BIK: variants seen among roughly 807,000 people sequenced by gnomAD.
The protein encoded by BIK is bcl-2-interacting killer.
Under a neutral mutation model 12.1 loss-of-function variants are expected in BIK, and 14 were observed. The ratio of observed to expected loss-of-function variants is 1.16; its 90% CI spans 0.77 to 1.81. The LOEUF is 1.81. BIK is among the 40% of genes most tolerant of loss of function. BIK has a pLI of 0.00. For missense variants in BIK, 215 were observed against 207.9 expected (o/e 1.03, Z -0.21); for synonymous variants, 86 against 92.3 (o/e 0.93, Z 0.39).
intron 1 of BIK, among the ~76,000 whole-genome samples, chr22:43,115,208 CTGGGGAGGG>C (rs1228534722): frequency 1.3e-5 from 2 of 152,100 alleles, no homozygotes; most frequent in African/African-American, 4.8e-5. Context: ...TAATTCTGTC[CTGGGGAGGG>C]TGGGGAGGAA....
chr22:43,119,449 G>GAT (rs1371544198), intron 1 of BIK, among the ~76,000 whole-genome samples: 11 of 152,274 alleles, frequency 7.2e-5, no homozygotes, highest in African/African-American at 2.2e-4. Flanking sequence ...ACCAGAAACT[G>GAT]ATAAGAGCAG....
intron 2 of BIK, among the ~76,000 whole-genome samples, chr22:43,126,174 A>G (rs1053580871): frequency 1.4e-5 from 2 of 143,884 alleles, no homozygotes; most frequent in Admixed American, 1.4e-4. Context: ...GCAGGCGTGC[A>G]CCAGCATGCC....
intron 3 of BIK, among the ~76,000 whole-genome samples, 153 bp from the exon 4 acceptor site, chr22:43,128,343 G>GT (rs1930362790): frequency 6.6e-6 from 1 of 152,212 alleles, no homozygotes; most frequent in African/African-American, 2.4e-5. Flanking sequence ...GCCCCTGCAG[G>GT]TGGAGGCGCC....
intron 2 of BIK, among the ~76,000 whole-genome samples, chr22:43,125,637 T>C (rs1028543814): frequency 1.3e-5 from 2 of 151,978 alleles, no homozygotes; most frequent in African/African-American, 4.8e-5. Context: ...GGAAAATCAC[T>C]TGAACCCGGG....
rs4988423 is a variant in BIK, at chr22:43,125,079, C to T, written c.161+896C>T. 3.3e-4 allele frequency among the ~76,000 whole-genome samples: 51 copies of T among 152,270 alleles called. No homozygotes were observed. The South Asian group carries it at 9.5e-3, about 29-fold the overall frequency. ...TAGACAATATAGGGCAACTTCCTGA[C>T]GTTGCCGTGGCATTTGTAAACTGTC... On this transcript the variant is annotated intron_variant, in intron 2 of 4. Transcript: ENST00000216115.
At chr22:43,114,901 T>TG (rs1930082020) in intron 1 of BIK, among the ~76,000 whole-genome samples, 1 of 152,196 alleles carries the variant, frequency 6.6e-6, no homozygotes, top group African/African-American at 2.4e-5. Context: ...CCTCCTGCCC[T>TG]TTAACAGAAG....
intron 4 of BIK, 132 bp downstream of exon 4, chr22:43,128,757 A>G: frequency 3.8e-6 from 5 of 1,323,852 alleles, no homozygotes; most frequent in Non-Finnish European, 5.1e-6. Flanking sequence ...CATCTGCCTG[A>G]TCCCATGGGC....
chr22:43,111,550 C>T (rs1327678443), intron 1 of BIK, among the ~76,000 whole-genome samples: 2 of 152,130 alleles, frequency 1.3e-5, no homozygotes, highest in Non-Finnish European at 2.9e-5. Context: ...CACGACAAGG[C>T]TTGTGGGGTT....
chr22:43,127,950 C>T (rs1347990257), intron 3 of BIK, among the ~76,000 whole-genome samples, 155 bp downstream of exon 3: 1 of 152,140 alleles, frequency 6.6e-6, no homozygotes, highest in Non-Finnish European at 1.5e-5. Flanking sequence ...CTGCTTCCCG[C>T]ACCTCTCCTG....
intron 1 of BIK, among the ~76,000 whole-genome samples, chr22:43,118,070 C>T (rs763067496): frequency 2.6e-5 from 4 of 152,128 alleles, no homozygotes; most frequent in South Asian, 2.1e-4. Context: ...GCTCGTGCGA[C>T]GTGCCCGCCT....
In BIK at chr22:43,129,193, C is replaced by G. The variant is rs1417928740; in HGVS notation, c.391-20C>G. On this transcript the variant is annotated intron_variant, in intron 4 of 4. Transcript: ENST00000216115. Reference sequence around the variant, plus strand: ...GCCGGGGCCTGCCCCGAGCCTGACTCCTCTGCTTTGCTCCCACAGGTGTCC... The same window carrying G: ...GCCGGGGCCTGCCCCGAGCCTGACTGCTCTGCTTTGCTCCCACAGGTGTCC... 4 of 1,603,216 alleles carry G rather than the reference C, an allele frequency of 2.5e-6. No homozygotes were observed. The African/African-American group carries it at 4.0e-5, about 16-fold the overall frequency.
intron 1 of BIK, among the ~76,000 whole-genome samples, chr22:43,112,600 G>A (rs1245910400): frequency 2.0e-5 from 3 of 149,052 alleles, no homozygotes; most frequent in African/African-American, 7.4e-5. Flanking sequence ...TCTTAAGGAT[G>A]TTAAGACTAA....
chr22:43,112,127 C>T (rs1033227283), intron 1 of BIK, among the ~76,000 whole-genome samples: 1 of 152,176 alleles, frequency 6.6e-6, no homozygotes, highest in Non-Finnish European at 1.5e-5. Context: ...AGACTCACCC[C>T]GATTTCTACT....
At chr22:43,122,158 A>C (rs571787297) in intron 1 of BIK, among the ~76,000 whole-genome samples, 7 of 152,200 alleles carry the variant, frequency 4.6e-5, no homozygotes, top group African/African-American at 1.7e-4. Flanking sequence ...GGAGACTTGG[A>C]GCTCTGTCCC....
chr22:43,127,302 G>A (rs1392347818), intron 2 of BIK, among the ~76,000 whole-genome samples: 1 of 152,064 alleles, frequency 6.6e-6, no homozygotes, highest in African/African-American at 2.4e-5. Flanking sequence ...GGGGCTCAAG[G>A]GGGCTCAGCC....
In BIK at chr22:43,126,267, G is replaced by A. The variant is rs955619198; in HGVS notation, c.162-1430G>A. ...GTGGCATGATCTCTGCTCACCACAA[G>A]CTCCACCTCCCTGGTTTACGCCATT... On this transcript the variant is annotated intron_variant, in intron 2 of 4. Coordinates refer to ENST00000216115, the MANE Select transcript of BIK (RefSeq NM_001197.5). Among the ~76,000 whole-genome samples, 12 of 150,086 alleles carry A rather than the reference G, an allele frequency of 8.0e-5. No homozygotes were observed. In the South Asian group the frequency reaches 2.5e-3, roughly 32 times the overall value.
intron 1 of BIK, among the ~76,000 whole-genome samples, chr22:43,111,441 G>A (rs1046752314): frequency 6.6e-6 from 1 of 152,160 alleles, no homozygotes; most frequent in Non-Finnish European, 1.5e-5. Flanking sequence ...GACTGGGCGG[G>A]GACTAGAGCC....
rs768945630 is a variant in BIK at position 43,129,280 on chromosome 22, G to A, written c.458G>A (p.Gly153Glu). 4 of 1,600,598 alleles carry A rather than the reference G, an allele frequency of 2.5e-6. No individual in the cohort carries two copies. The East Asian group carries it at 8.9e-5, about 36-fold the overall frequency. The change falls in exon 5 of 5, where the codon GGG becomes GAG. Residue 153 changes from glycine (G) to glutamate (E), a missense_variant. Transcript: ENST00000216115. ...LLALLLPLLS[G>E]GLHLLLK ...GCGCTGCTGCTGCCGCTGCTCAGCG[G>A]GGGCCTGCACCTGCTGCTCAAGTGA...
chr22:43,123,881 TGG>T, intron 1 of BIK, 133 bp from the exon 2 acceptor site: 1 of 873,606 alleles, frequency 1.1e-6, no homozygotes, highest in South Asian at 1.9e-5. Context: ...GAGCTGGGGT[TGG>T]GGGATATTGA....
Sources: gnomAD v4.1 joint callset for allele counts (sites outside exome capture counted in the v4.1 genomes callset) on GRCh38, gnomAD v4.1.1 for gene constraint, MANE v1.5 for transcripts, NCBI Gene and HGNC (gene_info 2026-07-23, HGNC 2026-07-21) for gene names.